Variants in CLSTN2 observed in about 807,000 individuals in gnomAD.
The protein encoded by CLSTN2 is calsyntenin 2, also known as calsyntenin-2.
CLSTN2 carries 48 observed loss-of-function variants against 101.2 expected under a neutral mutation model. The ratio of observed to expected loss-of-function variants is 0.47; its 90% confidence interval spans 0.38 to 0.60. CLSTN2 has a LOEUF of 0.60. Among genes scored for constraint, CLSTN2 ranks in the 20% least tolerant of loss-of-function variants. CLSTN2 has a pLI of 0.00. For missense variants in CLSTN2, 1,160 were observed against 1,238.2 expected (o/e 0.94, Z 0.95); for synonymous variants, 481 against 463.6 (o/e 1.04, Z -0.48).
chr3:140,292,002 C>G (rs2107903992), intron 2 of CLSTN2, among the ~76,000 whole-genome samples: 1 of 152,244 alleles, frequency 6.6e-6, no homozygotes, highest in East Asian at 1.9e-4. Context: ...ATTCTCCACT[C>G]AAAGCTGGAG....
chr3:140,384,075 C>T (rs558522449), intron 2 of CLSTN2, among the ~76,000 whole-genome samples: 1 of 152,168 alleles, frequency 6.6e-6, no homozygotes, highest in Non-Finnish European at 1.5e-5. Flanking sequence ...AAGCAGCCAA[C>T]CTTTCACGTT....
At chr3:139,971,445 C>T (rs745725482) in intron 1 of CLSTN2, among the ~76,000 whole-genome samples, 4 of 152,156 alleles carry the variant, frequency 2.6e-5, no homozygotes, top group African/African-American at 9.7e-5. Flanking sequence ...TGGAGATACA[C>T]AAAGGAGTGG....
intron 1 of CLSTN2, among the ~76,000 whole-genome samples, chr3:139,944,897 A>G (rs1935192225): frequency 6.6e-6 from 1 of 152,264 alleles, no homozygotes; most frequent in Admixed American, 6.5e-5. Flanking sequence ...ACATGCGTCA[A>G]GAGAACATTA....
chr3:140,049,304 C>T (rs1238921622), intron 1 of CLSTN2, among the ~76,000 whole-genome samples: 2 of 152,094 alleles, frequency 1.3e-5, no homozygotes, highest in African/African-American at 4.8e-5. Context: ...ATCAAGAAAA[C>T]CATCTTTTAA....
At chr3:140,187,050 C>T (rs2010495099) in intron 2 of CLSTN2, among the ~76,000 whole-genome samples, 1 of 152,242 alleles carries the variant, frequency 6.6e-6, no homozygotes. Flanking sequence ...AAATCCACTG[C>T]ATGGCCCTTG....
At chr3:140,212,793 C>T (rs934162193) in intron 2 of CLSTN2, among the ~76,000 whole-genome samples, 6 of 152,194 alleles carry the variant, frequency 3.9e-5, no homozygotes, top group African/African-American at 7.2e-5. Context: ...ATTCTAATCC[C>T]CCACCATAAG....
intron 1 of CLSTN2, among the ~76,000 whole-genome samples, chr3:139,991,824 C>T (rs551833092): frequency 2.6e-4 from 40 of 152,290 alleles, no homozygotes; most frequent in Admixed American, 3.9e-4. Flanking sequence ...GGTGCTTGGG[C>T]AACATGGTTG....
At chr3:140,490,131 C>CTGT (rs1934324477) in intron 8 of CLSTN2, among the ~76,000 whole-genome samples, 5 of 37,056 alleles carry the variant, frequency 1.3e-4, no homozygotes, top group Non-Finnish European at 1.8e-4. Flanking sequence ...CACACACACA[C>CTGT]ACACACACAC....
chr3:140,556,411 T>A (rs1935791699), intron 10 of CLSTN2, 102 bp from the exon 11 acceptor site: 2 of 1,111,646 alleles, frequency 1.8e-6, no homozygotes, highest in Admixed American at 1.8e-5. Context: ...TCTAGAGGTG[T>A]TTATGGTGAC....
At chr3:140,520,049 T>G (rs566007231) in intron 8 of CLSTN2, among the ~76,000 whole-genome samples, 1 of 152,330 alleles carries the variant, frequency 6.6e-6, no homozygotes, top group South Asian at 2.1e-4. Flanking sequence ...AGGATCTTAT[T>G]TCTCCTTCAC....
intron 1 of CLSTN2, among the ~76,000 whole-genome samples, chr3:139,958,758 T>C (rs1386491421): frequency 1.3e-5 from 2 of 151,622 alleles, no homozygotes; most frequent in Non-Finnish European, 2.9e-5. Context: ...CATTGTACCA[T>C]CTGATCCTGT....
chr3:140,096,474 A>G (rs1275123104), intron 1 of CLSTN2, among the ~76,000 whole-genome samples: 2 of 152,204 alleles, frequency 1.3e-5, no homozygotes, highest in Non-Finnish European at 2.9e-5. Flanking sequence ...TGGCACTGGA[A>G]GTAAGGTGCT....
intron 5 of CLSTN2, among the ~76,000 whole-genome samples, chr3:140,424,283 G>A (rs2088537968): frequency 6.6e-6 from 1 of 152,192 alleles, no homozygotes; most frequent in African/African-American, 2.4e-5. Flanking sequence ...CACTGCCCCA[G>A]TAGACTTCCA....
At chr3:140,294,638 A>G (rs1312840501) in intron 2 of CLSTN2, among the ~76,000 whole-genome samples, 1 of 151,862 alleles carries the variant, frequency 6.6e-6, no homozygotes, top group Non-Finnish European at 1.5e-5. Context: ...CCTGCCCACA[A>G]TGTGTGAGTG....
At chr3:140,491,456 T>C (rs1288798418) in intron 8 of CLSTN2, among the ~76,000 whole-genome samples, 6 of 152,236 alleles carry the variant, frequency 3.9e-5, no homozygotes. Flanking sequence ...TAGTTACCCA[T>C]TTATTTTAAT....
At chr3:139,991,674 A>G (rs1346136) in intron 1 of CLSTN2, among the ~76,000 whole-genome samples, 76,827 of 152,196 alleles carry the variant, frequency 0.5, 21,805 homozygotes, top group Non-Finnish European at 0.62. Context: ...ATATGGTGAT[A>G]TTTATATTAG....
chr3:140,042,198 A>T (rs1396888922), intron 1 of CLSTN2, among the ~76,000 whole-genome samples: 1 of 152,206 alleles, frequency 6.6e-6, no homozygotes, highest in African/African-American at 2.4e-5. Flanking sequence ...GTTTGAAACC[A>T]GTAAGAAATC....
At chr3:140,049,356 G>A (rs2007943402) in intron 1 of CLSTN2, among the ~76,000 whole-genome samples, 1 of 152,174 alleles carries the variant, frequency 6.6e-6, no homozygotes, top group African/African-American at 2.4e-5. Flanking sequence ...ATCAAAGTGT[G>A]ATAAACAGTA....
intron 2 of CLSTN2, among the ~76,000 whole-genome samples, chr3:140,315,184 C>T (rs2087216699): frequency 6.6e-6 from 1 of 152,176 alleles, no homozygotes; most frequent in African/African-American, 2.4e-5. Context: ...TGCACATGCA[C>T]CAACCAGATT....
Sources: allele counts gnomAD v4.1 joint callset (sites outside exome capture counted in the v4.1 genomes callset), GRCh38; gene constraint gnomAD v4.1.1; transcripts MANE v1.5; gene names NCBI Gene and HGNC (gene_info 2026-07-23, HGNC 2026-07-21).